Variants in ETFA observed in about 807,000 individuals in gnomAD.
ETFA encodes the protein electron transfer flavoprotein subunit alpha, also known as electron transfer flavoprotein subunit alpha, mitochondrial.
ETFA carries 22 observed loss-of-function variants against 46.2 expected under a neutral mutation model. The observed-to-expected ratio is 0.48, with a 90% CI of 0.34 to 0.68. ETFA has a LOEUF of 0.68. ETFA is among the 30% of genes least tolerant of loss of function. The pLI, the probability that ETFA is intolerant of heterozygous loss-of-function variation, is 0.01. For synonymous variants in ETFA, 131 were observed against 139.9 expected (o/e 0.94, Z 0.45); for missense variants, 345 against 401.1 (o/e 0.86, Z 1.19).
chr15:76,283,618 G>A, intron 8 of ETFA, 139 bp downstream of exon 8: 1 of 675,080 alleles, frequency 1.5e-6, no homozygotes, highest in Non-Finnish European at 2.6e-6. Context: ...AAGAAAAACT[G>A]GTTCAGAGAG....
At chr15:76,286,594 T>C (rs1249624931) in intron 5 of ETFA, 113 bp from the exon 6 acceptor site, 2 of 732,352 alleles carry the variant, frequency 2.7e-6, no homozygotes, top group African/African-American at 1.7e-5. Context: ...TATTGACCAG[T>C]TGTCTTCTAA....
At chr15:76,308,885 C>T (rs1310428233) in intron 1 of ETFA, among the ~76,000 whole-genome samples, 3 of 152,184 alleles carry the variant, frequency 2.0e-5, no homozygotes, top group Admixed American at 2.0e-4. Context: ...AACATACTTT[C>T]AAATGGTTCA....
intron 4 of ETFA, among the ~76,000 whole-genome samples, chr15:76,292,115 C>T (rs1465003343): frequency 6.6e-6 from 1 of 152,110 alleles, no homozygotes; most frequent in Non-Finnish European, 1.5e-5. Flanking sequence ...AAATGGGCTA[C>T]TAATAGAAAT....
intron 9 of ETFA, chr15:76,261,560 C>G: frequency 1.7e-6 from 1 of 588,362 alleles, no homozygotes; most frequent in Non-Finnish European, 3.1e-6. Context: ...GGGACTCCCA[C>G]GAGCTTCAGA....
chr15:76,306,030 ATT>A (rs1164994603), intron 1 of ETFA, among the ~76,000 whole-genome samples: 1 of 151,388 alleles, frequency 6.6e-6, no homozygotes, highest in Non-Finnish European at 1.5e-5. Context: ...CATTTTTGAC[ATT>A]GTTTTTGCTT....
chr15:76,292,855 C>T (rs1343239388), intron 2 of ETFA, among the ~76,000 whole-genome samples, 155 bp from the exon 3 acceptor site: 2 of 152,060 alleles, frequency 1.3e-5, no homozygotes, highest in African/African-American at 2.4e-5. Flanking sequence ...AAATATATTC[C>T]GGCCGGGCGC....
chr15:76,308,803 GTAGT>G (rs2039961288), intron 1 of ETFA, among the ~76,000 whole-genome samples: 1 of 152,204 alleles, frequency 6.6e-6, no homozygotes, highest in Non-Finnish European at 1.5e-5. Context: ...CAATTACAGT[GTAGT>G]TAGAAAGTGA....
chr15:76,236,491 C>T (rs907302576), intron 9 of ETFA, among the ~76,000 whole-genome samples: 2 of 152,136 alleles, frequency 1.3e-5, no homozygotes, highest in Non-Finnish European at 2.9e-5. Flanking sequence ...TTGTAAACTC[C>T]ACTAGGGAAC....
At chr15:76,250,828 A>G (rs369442623) in intron 9 of ETFA, among the ~76,000 whole-genome samples, 21 of 152,010 alleles carry the variant, frequency 1.4e-4, no homozygotes, top group African/African-American at 4.3e-4. Context: ...TGAGCCACCC[A>G]CCATGCCCAG....
chr15:76,278,873 C>T (rs1454235336), intron 8 of ETFA, among the ~76,000 whole-genome samples: 3 of 152,208 alleles, frequency 2.0e-5, no homozygotes, highest in East Asian at 1.9e-4. Flanking sequence ...TCTGACTTCC[C>T]TCAGGGGAGA....
chr15:76,251,210 G>T (rs1200566197), intron 9 of ETFA, among the ~76,000 whole-genome samples: 4 of 152,074 alleles, frequency 2.6e-5, no homozygotes. Flanking sequence ...GGAGGATGGG[G>T]TAACTAATGG....
chr15:76,246,856 T>G (rs1053526631), intron 9 of ETFA, among the ~76,000 whole-genome samples: 3 of 150,562 alleles, frequency 2.0e-5, no homozygotes, highest in Admixed American at 6.6e-5. Context: ...GAAAAGAAAA[T>G]TAAATAAAAA....
intron 9 of ETFA, among the ~76,000 whole-genome samples, chr15:76,236,476 C>G (rs1343781623): frequency 1.3e-5 from 2 of 152,168 alleles, no homozygotes. Flanking sequence ...AACTAAAGAG[C>G]CTTCTTGTAA....
intron 1 of ETFA, among the ~76,000 whole-genome samples, chr15:76,304,639 G>A (rs1043116244): frequency 1.3e-5 from 2 of 150,030 alleles, no homozygotes; most frequent in African/African-American, 4.9e-5. Flanking sequence ...ACTCCAGCCT[G>A]GGTGAGAGTA....
intron 9 of ETFA, among the ~76,000 whole-genome samples, chr15:76,232,458 G>A (rs2039078689): frequency 6.6e-6 from 1 of 152,144 alleles, no homozygotes; most frequent in African/African-American, 2.4e-5. Flanking sequence ...TGACAGTAAA[G>A]TCTCTCCTCA....
intron 9 of ETFA, among the ~76,000 whole-genome samples, chr15:76,242,452 G>C (rs755019880): frequency 6.6e-6 from 1 of 152,038 alleles, no homozygotes; most frequent in Admixed American, 6.6e-5. Context: ...AAGTTTATGA[G>C]AGCTACAAAG....
chr15:76,259,832 T>TTC, intron 9 of ETFA: 1 of 1,555,610 alleles, frequency 6.4e-7, no homozygotes, highest in East Asian at 2.2e-5. Flanking sequence ...GGTAAAGGGG[T>TTC]TCTCCCCAAG....
chr15:76,251,200 G>A (rs577337613), intron 9 of ETFA, among the ~76,000 whole-genome samples: 83 of 152,056 alleles, frequency 5.5e-4, no homozygotes, highest in Admixed American at 2.2e-3. Context: ...ACTCTGACTC[G>A]GAGGATGGGG....
At chr15:76,266,549 A>G (rs2039472302) in intron 9 of ETFA, among the ~76,000 whole-genome samples, 2 of 152,194 alleles carry the variant, frequency 1.3e-5, no homozygotes, top group South Asian at 4.1e-4. Flanking sequence ...TAAAATCCAA[A>G]CTTCTACTCC....
Sources: allele counts gnomAD v4.1 joint callset (sites outside exome capture counted in the v4.1 genomes callset), GRCh38; gene constraint gnomAD v4.1.1; transcripts MANE v1.5; gene names NCBI Gene and HGNC (gene_info 2026-07-23, HGNC 2026-07-21).